The following RIN3 variants were observed in gnomAD, a reference collection of about 807,000 sequenced individuals.
RIN3 encodes Ras and Rab interactor 3, also known as RAB5 interacting protein 3.
In RIN3, 54 loss-of-function variants were observed where a neutral mutation model predicts 76.3. The ratio of observed to expected loss-of-function variants is 0.71; its 90% CI spans 0.57 to 0.89. RIN3 has a LOEUF of 0.89. RIN3 is among the 40% of genes least tolerant of loss of function. RIN3 has a pLI of 0.00. For missense variants in RIN3, 1,256 were observed against 1,322.1 expected, an observed-to-expected ratio of 0.95 and a Z score of 0.78; for synonymous variants, 576 against 564.0, an observed-to-expected ratio of 1.02 and a Z score of -0.30.
chr14:92,685,421 C>A lies in RIN3; in HGVS notation c.2631+271C>A. ...GGGTGCAGGAGGAATGAGACACACC[C>A]ATCATTCCTTAGCCCCTCCTAGGAC... On this transcript the variant is annotated intron_variant, in intron 9 of 9. Transcript: ENST00000216487. The surrounding 1 kb of genome is among the most constrained non-coding windows in gnomAD (Gnocchi z 4.7). 1 of 451,172 alleles carries A rather than the reference C, an allele frequency of 2.2e-6. No homozygotes were observed. The highest frequency in any genetic ancestry group is 3.2e-5 in the South Asian group (1 of 31,034). The allele number at this position is 451,172 out of a possible 1,614,324, so 27.9% of individuals were successfully genotyped here.
At position 92,652,656 on chromosome 14, in the gene RIN3, A is replaced by G. The variant is rs1887505891; in HGVS notation, c.1607A>G (p.Asp536Gly). ...EFKGSLASLS[D>G]SLGVSVMATD... Reference sequence around the variant, plus strand: ...AAGGGCTCCCTGGCCTCCCTCTCAGACAGCTTGGGGGTGTCTGTCATGGCC... The same window carrying G: ...AAGGGCTCCCTGGCCTCCCTCTCAGGCAGCTTGGGGGTGTCTGTCATGGCC... Residue 536 changes from aspartate (D) to glycine (G), a missense_variant, in exon 6 of 10, where the codon GAC becomes GGC. This residue lies in a region of RIN3 where 428 missense variants were observed against 521.2 expected (regional missense o/e 0.82). Coordinates refer to ENST00000216487, the MANE Select transcript of RIN3 (RefSeq NM_024832.5). The surrounding 1 kb of genome is among the most constrained non-coding windows in gnomAD (Gnocchi z 6.4). 1 of 1,612,142 alleles carries G rather than the reference A, an allele frequency of 6.2e-7. No individual in the cohort carries two copies. The highest frequency in any genetic ancestry group is 1.7e-5 in the Admixed American group (1 of 59,992).
intron 7 of RIN3, among the ~76,000 whole-genome samples, chr14:92,661,792 C>A (rs1292444636): frequency 6.6e-6 from 1 of 150,816 alleles, no homozygotes. Context: ...AAAGGAGACA[C>A]CACGCCAAGG....
chr14:92,580,232 GGTGGCATGCACCTGTA>G (rs1898393564), intron 3 of RIN3, among the ~76,000 whole-genome samples: 1 of 152,248 alleles, frequency 6.6e-6, no homozygotes, highest in Admixed American at 6.5e-5. Flanking sequence ...AGCTGGGTGT[GGTGGCATGCACCTGTA>G]GTTCCAGCTA....
chr14:92,605,674 A>T lies in RIN3; in HGVS notation c.368-9733A>T, dbSNP rs544207872. ...ATAAGTTTAAGTTTTCATTTGTTGA[A>T]TACATTAGCCTCAATCACTGGGAAC... On this transcript the variant is annotated intron_variant, in intron 3 of 9. Coordinates refer to ENST00000216487, the MANE Select transcript of RIN3 (RefSeq NM_024832.5). 2.6e-5 allele frequency among the ~76,000 whole-genome samples: 4 copies of T among 152,358 alleles called. No homozygotes were observed. The South Asian group carries it at 6.2e-4, about 24-fold the overall frequency.
chr14:92,524,451 A>T (rs1478498714), intron 1 of RIN3, among the ~76,000 whole-genome samples: 1 of 152,132 alleles, frequency 6.6e-6, no homozygotes, highest in Non-Finnish European at 1.5e-5. Context: ...CTGGACTTGA[A>T]TTCCCCTTTC....
chr14:92,552,310 G>A (rs1026844876), intron 1 of RIN3, among the ~76,000 whole-genome samples: 3 of 152,192 alleles, frequency 2.0e-5, no homozygotes, highest in South Asian at 2.1e-4. Context: ...TGGGGCTGCC[G>A]GGCTGGGAAG....
intron 3 of RIN3, among the ~76,000 whole-genome samples, chr14:92,614,526 C>T (rs1031647223): frequency 8.5e-5 from 13 of 152,092 alleles, no homozygotes; most frequent in Non-Finnish European, 1.6e-4. Flanking sequence ...TGGCTGTGTC[C>T]TCACCCAAAT....
rs188973943 is a variant in RIN3 at position 92,688,015 on chromosome 14, G to T, written c.2721G>T (p.Ala907=). The change falls in exon 10 of 10, where the codon GCG becomes GCT. Residue 907 remains alanine (A), a synonymous_variant. Transcript: ENST00000216487. ...ACACCCAGGCCCAGGCGCTGTGCGC[G>T]CAGTGCGCGGAGAAGTTCGCGGTGG... ...RADTQAQALC[A]QCAEKFAVER... 7.8e-4 allele frequency: 1,226 copies of T among 1,581,932 alleles called. 14 individuals are homozygous for T. In the African/African-American group the frequency reaches 0.014, roughly 18 times the overall value.
chr14:92,604,102 C>G (rs1159751399), intron 3 of RIN3, among the ~76,000 whole-genome samples: 3 of 152,224 alleles, frequency 2.0e-5, no homozygotes, highest in African/African-American at 7.2e-5. Context: ...GGGAAGGCGC[C>G]TGCCCCTTTC....
intron 3 of RIN3, among the ~76,000 whole-genome samples, chr14:92,605,139 G>A (rs940523280): frequency 4.6e-5 from 7 of 151,952 alleles, no homozygotes; most frequent in African/African-American, 9.7e-5. Context: ...TCAAATACCT[G>A]AGTTCAAGGG....
chr14:92,640,009 CCTGA>C (rs1168376823), intron 4 of RIN3, among the ~76,000 whole-genome samples: 2 of 137,468 alleles, frequency 1.5e-5, no homozygotes, highest in African/African-American at 2.8e-5. Context: ...CTGGGAGATG[CCTGA>C]CTGTGTGTTC....
At chr14:92,642,388 C>T (rs1025799560) in intron 5 of RIN3, among the ~76,000 whole-genome samples, 2 of 152,128 alleles carry the variant, frequency 1.3e-5, no homozygotes, top group Admixed American at 6.6e-5. Context: ...TGAGCCACTG[C>T]GCCCGGCCCT....
At position 92,685,003 on chromosome 14, in the gene RIN3, C is replaced by T. The variant is rs758161073; in HGVS notation, c.2484C>T (p.Thr828=). 6.2e-7 allele frequency: 1 copy of T among 1,613,324 alleles called. No individual in the cohort carries two copies. Among genetic ancestry groups the T allele is most frequent in the East Asian group, 2.2e-5 (1 of 44,854 alleles). ...LQLGEGSYYL[T]TTYGALEHIK... is the part of the protein sequence containing the mutation. The stretch of plus-strand genomic sequence containing the variant: ...TCCACGCAGGTTCCTACTATCTGAC[C>T]ACCACCTACGGGGCCCTGGAGCACA... Residue 828 remains threonine (T), a synonymous_variant, in exon 9 of 10, where the codon ACC becomes ACT. Coordinates refer to ENST00000216487, the MANE Select transcript of RIN3 (RefSeq NM_024832.5). The surrounding 1 kb of genome is among the most constrained non-coding windows in gnomAD (Gnocchi z 4.7).
Position 92,567,625 on chromosome 14 carries a change from T to A in RIN3, c.250-9735T>A, listed in dbSNP as rs977411429. On this transcript the variant is annotated intron_variant, in intron 2 of 9. Transcript: ENST00000216487. Reference sequence around the variant, plus strand: ...ACTCCACAGTGTCTCTTCTGCTGCATTTTTTTTTTTTTTTTTTGGTCAATG... The same window carrying A: ...ACTCCACAGTGTCTCTTCTGCTGCAATTTTTTTTTTTTTTTTTGGTCAATG... 4.9e-3 allele frequency among the ~76,000 whole-genome samples: 84 copies of A among 17,044 alleles called. 1 individual carries two copies. The highest frequency in any genetic ancestry group is 0.016 in the African/African-American group (83 of 5,354). The allele number at this position is 17,044 out of a possible 152,430, so 11.2% of individuals were successfully genotyped here. A position where few individuals can be genotyped will look rare whatever the true frequency, so the allele number is the denominator to read the frequency against.
At chr14:92,614,661 T>A (rs894291683) in intron 3 of RIN3, among the ~76,000 whole-genome samples, 1 of 151,940 alleles carries the variant, frequency 6.6e-6, no homozygotes, top group Non-Finnish European at 1.5e-5. Context: ...GCTCACGAGA[T>A]CTGATGGCTT....
At chr14:92,596,319 G>C (rs1221414805) in intron 3 of RIN3, among the ~76,000 whole-genome samples, 2 of 152,170 alleles carry the variant, frequency 1.3e-5, no homozygotes, top group Non-Finnish European at 2.9e-5. Context: ...TGTCTACCAG[G>C]TACCATGTGG....
intron 3 of RIN3, among the ~76,000 whole-genome samples, chr14:92,600,781 C>T (rs563045303): frequency 9.2e-5 from 14 of 152,218 alleles, no homozygotes; most frequent in East Asian, 5.8e-4. Flanking sequence ...CATTTGGAGC[C>T]GGGTCATTCC....
chr14:92,661,723 T>TCACACACA lies in RIN3; in HGVS notation c.2335+2283_2335+2290dup, dbSNP rs778646491. Among the ~76,000 whole-genome samples the TCACACACA allele has an allele frequency of 7.1e-3, 957 of 134,952 alleles. 2 individuals carry two copies. Among genetic ancestry groups the TCACACACA allele is most frequent in the Non-Finnish European group, 8.6e-3 (544 of 63,144 alleles). 88.5% of individuals were successfully genotyped at this position (134,952 alleles called of 152,430 possible). On this transcript the variant is annotated intron_variant, in intron 7 of 9. Coordinates refer to ENST00000216487, the MANE Select transcript of RIN3 (RefSeq NM_024832.5). ...TGGGTGGTGACAGAGTGAGACTCTG[T>TCACACACA]CACACACACACACACACACACACAC...
rs868752860 is a variant in RIN3, at chr14:92,513,906, G to A, written c.-27G>A. On this transcript the variant is annotated 5_prime_UTR_variant, in exon 1 of 10. Coordinates refer to ENST00000216487, the MANE Select transcript of RIN3 (RefSeq NM_024832.5). ...CGCGGCCCGGCGCCTGAGCGCCTCC[G>A]TTCCCCGTCCCGGAGCTGCCGGCGG... 1 of 1,253,078 alleles carries A rather than the reference G, an allele frequency of 8.0e-7. No homozygotes were observed. The highest frequency in any genetic ancestry group is 1.0e-6 in the Non-Finnish European group (1 of 998,780). 77.6% of individuals were successfully genotyped at this position (1,253,078 alleles called of 1,614,324 possible). A position where few individuals can be genotyped will look rare whatever the true frequency, so the allele number is the denominator to read the frequency against.
Sources: gnomAD v4.1 joint callset for allele counts (sites outside exome capture counted in the v4.1 genomes callset) on GRCh38, gnomAD v4.1.1 for gene constraint, gnomAD v4.1.1 regional missense constraint, Gnocchi (gnomAD v3.1) non-coding constraint, MANE v1.5 for transcripts, NCBI Gene and HGNC (gene_info 2026-07-23, HGNC 2026-07-21) for gene names.